Variants in CARHSP1 observed in about 807,000 individuals in gnomAD.
CARHSP1 encodes the protein calcium regulated heat stable protein 1.
In CARHSP1, 14 loss-of-function variants were observed where a neutral mutation model predicts 12.5. The observed-to-expected ratio is 1.12, with a 90% CI of 0.74 to 1.75. CARHSP1 has a LOEUF of 1.75. Among genes scored for constraint, CARHSP1 ranks in the 40% most tolerant of loss-of-function variants. CARHSP1 has a pLI of 0.00. For synonymous variants in CARHSP1, 161 were observed against 82.0 expected (o/e 1.96, Z -5.20); for missense variants, 343 against 201.6 (o/e 1.70, Z -4.25).
chr16:8,858,909 G>A (rs1161134747), intron 2 of CARHSP1: 9 of 447,964 alleles, frequency 2.0e-5, no homozygotes, highest in Non-Finnish European at 3.2e-5. Flanking sequence ...TCTCATGTGT[G>A]GTTAAAGCCC....
chr16:8,864,494 A>G (rs1027721449), intron 1 of CARHSP1, among the ~76,000 whole-genome samples: 5 of 152,128 alleles, frequency 3.3e-5, no homozygotes, highest in Non-Finnish European at 7.4e-5. Context: ...TTCTATCCCC[A>G]TTTCACTAAT....
intron 3 of CARHSP1, among the ~76,000 whole-genome samples, chr16:8,857,292 T>G (rs1460084614): frequency 7.4e-5 from 6 of 81,458 alleles, no homozygotes; most frequent in South Asian, 4.7e-4. Context: ...TTTTTTTTTT[T>G]TTTTTTTGAG....
At chr16:8,861,563 A>C in intron 1 of CARHSP1, 1 of 1,245,872 alleles carries the variant, frequency 8.0e-7, no homozygotes, top group Non-Finnish European at 1.1e-6. Context: ...CTGAAATGTC[A>C]GAACCCCTCC....
intron 2 of CARHSP1, 190 bp downstream of exon 2, chr16:8,858,981 T>G: frequency 1.9e-6 from 1 of 517,694 alleles, no homozygotes; most frequent in Non-Finnish European, 3.3e-6. Flanking sequence ...CAGGTTCTTC[T>G]GGGCTGGGCA....
In CARHSP1 at chr16:8,855,331, G is replaced by A. The variant is rs766437174; in HGVS notation, c.282-5C>T. On this transcript the variant is annotated splice_region_variant and splice_polypyrimidine_tract_variant and intron_variant, in intron 3 of 3. Coordinates refer to ENST00000311052, the MANE Select transcript of CARHSP1 (RefSeq NM_014316.4). ...GGGACATACTCCCCTTCCACACTAC[G>A]GGGGCATAAATAAAGCAGTCAGGGC... is the stretch of plus-strand genomic sequence containing the variant. 6.3e-5 allele frequency: 99 copies of A among 1,560,386 alleles called. 1 individual carries two copies. In the East Asian group the frequency reaches 6.6e-4, roughly 10 times the overall value.
Position 8,853,311 on chromosome 16 carries a change from G to C in CARHSP1, c.*1853C>G, listed in dbSNP as rs761492026. ...GTACCAGCAGATGGGCCCTTGGGAA[G>C]CCAACAGGGAACAATTCAAGGCTGG... On this transcript the variant is annotated 3_prime_UTR_variant, in exon 4 of 4. Transcript: ENST00000311052. 6.7e-6 allele frequency: 1 copy of C among 149,254 alleles called. No homozygotes were observed. Among genetic ancestry groups the C allele is most frequent in the Non-Finnish European group, 1.5e-5 (1 of 67,664 alleles). The allele number at this position is 149,254 out of a possible 1,614,324, so 9.2% of individuals were successfully genotyped here.
chr16:8,861,862 C>T (rs2061365325), intron 1 of CARHSP1: 1 of 1,167,570 alleles, frequency 8.6e-7, no homozygotes, highest in Non-Finnish European at 1.1e-6. Flanking sequence ...GGGGAGGGCC[C>T]TGTCCAGGCC....
intron 1 of CARHSP1, chr16:8,861,740 G>C (rs1243247090): frequency 7.8e-7 from 1 of 1,286,536 alleles, no homozygotes; most frequent in Non-Finnish European, 1.0e-6. Flanking sequence ...ACCTCAAAAA[G>C]GCCCCAGCTG....
In CARHSP1 at chr16:8,859,163, A is replaced by G. The variant is rs749243022; in HGVS notation, c.158+8T>C. 1 of 1,594,090 alleles carries G rather than the reference A, an allele frequency of 6.3e-7. No individual in the cohort carries two copies. Among genetic ancestry groups the G allele is most frequent in the Non-Finnish European group, 8.6e-7 (1 of 1,168,164 alleles). On this transcript the variant is annotated splice_region_variant and intron_variant, in intron 2 of 3. Coordinates refer to ENST00000311052, the MANE Select transcript of CARHSP1 (RefSeq NM_014316.4). ...TGAGAACGCGTCCCCAGCCTGCTCC[A>G]GACTCACGCCGAGAAGGTCCTCGTC...
chr16:8,862,064 A>C (rs1397051388), intron 1 of CARHSP1, among the ~76,000 whole-genome samples: 1 of 136,304 alleles, frequency 7.3e-6, no homozygotes, highest in African/African-American at 2.7e-5. Flanking sequence ...GTGCAATGGC[A>C]CAATCTCGGC....
At chr16:8,860,604 C>T (rs927892133) in intron 1 of CARHSP1, 16 of 724,896 alleles carry the variant, frequency 2.2e-5, no homozygotes, top group Non-Finnish European at 2.7e-5. Flanking sequence ...GTGGGCATCA[C>T]TTGGCACCTG....
intron 3 of CARHSP1, among the ~76,000 whole-genome samples, chr16:8,857,274 T>TG (rs1567181163): frequency 4.1e-5 from 4 of 97,524 alleles, no homozygotes; most frequent in East Asian, 3.1e-4. Context: ...TTTTTTTTTT[T>TG]TTTTTTTTTT....
In CARHSP1 at chr16:8,854,214, A is replaced by ACCCCCTCTCC. The variant is rs972325256; in HGVS notation, c.*940_*949dup. ...TTTCTTAACACTAGTTTTAAAGAAA[A>ACCCCCTCTCC]CCCCCTCTCCAAAGGTATGTTTCTC... On this transcript the variant is annotated 3_prime_UTR_variant, in exon 4 of 4. Transcript: ENST00000311052. The ACCCCCTCTCC allele has an allele frequency of 6.6e-6, 1 of 151,952 alleles. No homozygotes were observed. 9.4% of individuals were successfully genotyped at this position (151,952 alleles called of 1,614,324 possible). A position where few individuals can be genotyped will look rare whatever the true frequency, so the allele number is the denominator to read the frequency against.
chr16:8,858,516 G>A (rs755337259), intron 2 of CARHSP1, 44 bp from the exon 3 acceptor site: 31 of 1,603,474 alleles, frequency 1.9e-5, no homozygotes, highest in Non-Finnish European at 2.5e-5. Flanking sequence ...CAGCGCTCCT[G>A]GGCACACAAA....
Position 8,853,243 on chromosome 16 carries a change from G to C in CARHSP1, c.*1921C>G, listed in dbSNP as rs2060994725. 1 of 152,176 alleles carries C rather than the reference G, an allele frequency of 6.6e-6. No homozygotes were observed. The highest frequency in any genetic ancestry group is 2.4e-5 in the African/African-American group (1 of 41,422). The allele number at this position is 152,176 out of a possible 1,614,324, so 9.4% of individuals were successfully genotyped here. The stretch of plus-strand genomic sequence containing the variant: ...CAGGGTCACAGGAGAGAGGCTTGGG[G>C]CAGTGAAAGCCCTCTCGGGTCTTGG... On this transcript the variant is annotated 3_prime_UTR_variant, in exon 4 of 4. Coordinates refer to ENST00000311052, the MANE Select transcript of CARHSP1 (RefSeq NM_014316.4).
intron 1 of CARHSP1, 101 bp from the exon 2 acceptor site, chr16:8,859,436 T>C: frequency 9.4e-7 from 1 of 1,068,816 alleles, no homozygotes; most frequent in Non-Finnish European, 1.3e-6. Flanking sequence ...TGAGGCTCAT[T>C]CCTCTCGGGC....
intron 3 of CARHSP1, among the ~76,000 whole-genome samples, 172 bp from the exon 4 acceptor site, chr16:8,855,498 C>A (rs1355809854): frequency 1.3e-5 from 2 of 152,166 alleles, no homozygotes; most frequent in African/African-American, 4.8e-5. Flanking sequence ...TGCCACACTG[C>A]CCCCAGCCTC....
In CARHSP1 at chr16:8,859,208, T is replaced by C. The variant is rs750951945; in HGVS notation, c.121A>G (p.Ser41Gly). Residue 41 changes from serine (S) to glycine (G), a missense_variant, in exon 2 of 4, where the codon AGC (serine) becomes GGC (glycine). Transcript: ENST00000311052. ...PSPLRGNVVP[S>G]PLPTRRTRTF... ...CTCGTCCGGCGAGTGGGCAGTGGGC[T>C]TGGGACCACGTTGCCCCGCAGAGGG... The C allele has an allele frequency of 2.5e-6, 4 of 1,603,666 alleles. No individual in the cohort carries two copies. The highest frequency in any genetic ancestry group is 3.4e-6 in the Non-Finnish European group (4 of 1,176,466).
rs374592145 is a variant in CARHSP1 at position 8,853,475 on chromosome 16, A to C, written c.*1689T>G. 3 of 152,146 alleles carry C rather than the reference A, an allele frequency of 2.0e-5. No homozygotes were observed. Among genetic ancestry groups the C allele is most frequent in the South Asian group, 2.1e-4 (1 of 4,822 alleles). 9.4% of individuals were successfully genotyped at this position (152,146 alleles called of 1,614,324 possible). On this transcript the variant is annotated 3_prime_UTR_variant, in exon 4 of 4. Coordinates refer to ENST00000311052, the MANE Select transcript of CARHSP1 (RefSeq NM_014316.4). ...ACTGCCTTTGTCTCCACACACTCGC[A>C]ATCAACATGCGTATTTGCTATTCTC... is the stretch of plus-strand genomic sequence containing the variant.
Sources: gnomAD v4.1 joint callset for allele counts (sites outside exome capture counted in the v4.1 genomes callset) on GRCh38, gnomAD v4.1.1 for gene constraint, MANE v1.5 for transcripts, NCBI Gene and HGNC (gene_info 2026-07-23, HGNC 2026-07-21) for gene names.